The following ZFHX3 variants were observed in gnomAD, a reference collection of about 807,000 sequenced individuals.
The protein encoded by ZFHX3 is zinc finger homeobox 3.
Under a neutral mutation model 279.1 loss-of-function variants are expected in ZFHX3, and 42 were observed. The ratio of observed to expected loss-of-function variants is 0.15; its 90% confidence interval spans 0.12 to 0.19. ZFHX3 has a LOEUF of 0.19. Ranked by LOEUF, ZFHX3 falls within the 10% of genes least tolerant of loss-of-function variation. The pLI, the probability that ZFHX3 is intolerant of heterozygous loss-of-function variation, is 1.00. For missense variants in ZFHX3, 4,981 were observed against 4,754.0 expected, an observed-to-expected ratio of 1.05 and a Z score of -1.40; for synonymous variants, 2,293 against 1,957.8, an observed-to-expected ratio of 1.17 and a Z score of -4.52.
At chr16:73,622,630 G>A (rs1323221300) in intron 2 of ZFHX3, among the ~76,000 whole-genome samples, 1 of 152,264 alleles carries the variant, frequency 6.6e-6, no homozygotes, top group African/African-American at 2.4e-5. Context: ...TACTTAAAAT[G>A]AGAAAATCAG....
At chr16:73,579,120 A>C (rs2051830815) in intron 2 of ZFHX3, among the ~76,000 whole-genome samples, 1 of 152,212 alleles carries the variant, frequency 6.6e-6, no homozygotes, top group Non-Finnish European at 1.5e-5. Flanking sequence ...TAGTCTCCAC[A>C]ACCTCTTCTC....
intron 2 of ZFHX3, among the ~76,000 whole-genome samples, chr16:73,648,140 T>C (rs1275849439): frequency 6.6e-6 from 1 of 152,222 alleles, no homozygotes; most frequent in African/African-American, 2.4e-5. Context: ...TTTCCCCTGC[T>C]AGGAATCTAT....
intron 4 of ZFHX3, among the ~76,000 whole-genome samples, chr16:73,281,701 G>A (rs995570363): frequency 3.3e-5 from 5 of 151,936 alleles, no homozygotes; most frequent in African/African-American, 1.2e-4. Context: ...TAACTTTGAT[G>A]GTGGTGAGGG....
chr16:73,698,941 G>C (rs560470961), intron 1 of ZFHX3, among the ~76,000 whole-genome samples: 1 of 152,144 alleles, frequency 6.6e-6, no homozygotes, highest in African/African-American at 2.4e-5. Context: ...CTGGAGTGCA[G>C]TGGCGTGATC....
intron 3 of ZFHX3, chr16:73,420,571 T>A (rs901637538): frequency 6.6e-6 from 1 of 152,250 alleles, no homozygotes; most frequent in Non-Finnish European, 1.5e-5. Flanking sequence ...CAAGACGGAA[T>A]AACCCTGCTT....
At chr16:73,391,889 C>T (rs2017019912) in intron 3 of ZFHX3, among the ~76,000 whole-genome samples, 1 of 152,016 alleles carries the variant, frequency 6.6e-6, no homozygotes, top group South Asian at 2.1e-4. Flanking sequence ...TGACAGAAGA[C>T]TAAGAAAAGC....
At chr16:72,822,204 CAAAAATCA>C (rs1219774779) in intron 5 of ZFHX3, among the ~76,000 whole-genome samples, 2 of 152,196 alleles carry the variant, frequency 1.3e-5, no homozygotes, top group Non-Finnish European at 2.9e-5. Flanking sequence ...CTGGGGATTA[CAAAAATCA>C]ATGGTTGCCA....
intron 2 of ZFHX3, among the ~76,000 whole-genome samples, chr16:73,676,371 T>C (rs868204241): frequency 1.1e-4 from 16 of 150,338 alleles, no homozygotes; most frequent in African/African-American, 3.2e-4. Context: ...ATGAGAAGTA[T>C]GCTAAACTCT....
chr16:73,509,847 C>G (rs542695303), intron 2 of ZFHX3, among the ~76,000 whole-genome samples: 10 of 152,114 alleles, frequency 6.6e-5, no homozygotes, highest in African/African-American at 1.4e-4. Flanking sequence ...AGGGACCCAC[C>G]ACCATGCCCG....
intron 4 of ZFHX3, among the ~76,000 whole-genome samples, chr16:72,850,254 T>C (rs1035270993): frequency 6.6e-6 from 1 of 152,138 alleles, no homozygotes; most frequent in Admixed American, 6.5e-5. Context: ...CACCCACCAG[T>C]GTCTACCTCA....
intron 4 of ZFHX3, among the ~76,000 whole-genome samples, chr16:72,875,742 G>C (rs528782113): frequency 6.6e-6 from 1 of 152,324 alleles, no homozygotes; most frequent in South Asian, 2.1e-4. Context: ...TGCTTAAAGC[G>C]ATGTCTAAAA....
At chr16:73,441,918 C>G (rs538054941) in intron 3 of ZFHX3, among the ~76,000 whole-genome samples, 1 of 152,244 alleles carries the variant, frequency 6.6e-6, no homozygotes, top group Admixed American at 6.5e-5. Context: ...AAACGTGTAC[C>G]GTTTTGAGAA....
chr16:73,612,924 T>TAA (rs1019427965), intron 2 of ZFHX3, among the ~76,000 whole-genome samples: 3 of 151,752 alleles, frequency 2.0e-5, no homozygotes, highest in East Asian at 1.9e-4. Context: ...TTAGGATGGT[T>TAA]AAAAAAAGGA....
chr16:72,879,276 C>T (rs2038398409), intron 4 of ZFHX3, among the ~76,000 whole-genome samples: 2 of 152,160 alleles, frequency 1.3e-5, no homozygotes, highest in African/African-American at 4.8e-5. Context: ...AATCAGCTGG[C>T]CCCCTATTGA....
At chr16:73,404,684 C>A (rs2017324421) in intron 3 of ZFHX3, among the ~76,000 whole-genome samples, 1 of 152,044 alleles carries the variant, frequency 6.6e-6, no homozygotes, top group Admixed American at 6.6e-5. Context: ...AAGGCAAGTA[C>A]TATTATTATC....
intron 1 of ZFHX3, among the ~76,000 whole-genome samples, chr16:73,769,778 G>C (rs1035573541): frequency 3.9e-5 from 6 of 152,150 alleles, no homozygotes; most frequent in African/African-American, 1.4e-4. Context: ...CCAGGGTTCA[G>C]GACATGGAAG....
At chr16:73,662,923 T>C (rs759272020) in intron 2 of ZFHX3, among the ~76,000 whole-genome samples, 10 of 152,176 alleles carry the variant, frequency 6.6e-5, no homozygotes, top group Non-Finnish European at 1.2e-4. Flanking sequence ...TTCTTTAAGA[T>C]ATAAATGCAG....
At chr16:72,919,575 G>A (rs113079819) in intron 3 of ZFHX3, among the ~76,000 whole-genome samples, 2,158 of 151,220 alleles carry the variant, frequency 0.014, 48 homozygotes, top group African/African-American at 0.049. Flanking sequence ...TTTTTTTTAA[G>A]GCAGTACAGA....
intron 2 of ZFHX3, among the ~76,000 whole-genome samples, chr16:73,538,898 C>A (rs1412386800): frequency 6.6e-6 from 1 of 152,150 alleles, no homozygotes; most frequent in Admixed American, 6.5e-5. Context: ...CAGTGACTAC[C>A]TCAGTGGACT....
Sources: allele counts gnomAD v4.1 joint callset (sites outside exome capture counted in the v4.1 genomes callset), GRCh38; gene constraint gnomAD v4.1.1; transcripts MANE v1.5; gene names NCBI Gene and HGNC (gene_info 2026-07-23, HGNC 2026-07-21).